Variants in DYNC1I1 observed in about 807,000 individuals in gnomAD.
DYNC1I1 encodes dynein cytoplasmic 1 intermediate chain 1, also known as cytoplasmic dynein 1 intermediate chain 1.
DYNC1I1 carries 43 observed loss-of-function variants against 86.6 expected under a neutral mutation model. The ratio of observed to expected loss-of-function variants is 0.50; its 90% CI spans 0.39 to 0.64. The LOEUF (loss-of-function observed/expected upper bound fraction) is 0.64, where lower values mean the gene tolerates loss of function less well. Ranked by LOEUF, DYNC1I1 falls within the 30% of genes least tolerant of loss-of-function variation. DYNC1I1 has a pLI of 0.00. For synonymous variants in DYNC1I1, 262 were observed against 283.7 expected, an observed-to-expected ratio of 0.92 and a Z score of 0.77; for missense variants, 604 against 788.8, an observed-to-expected ratio of 0.77 and a Z score of 2.81.
chr7:95,908,809 G>T (rs1442875279), intron 6 of DYNC1I1, among the ~76,000 whole-genome samples: 1 of 152,164 alleles, frequency 6.6e-6, no homozygotes, highest in Non-Finnish European at 1.5e-5. Context: ...GCACTGGAAA[G>T]CTGGCATCAC....
chr7:96,069,236 A>G (rs1045128778), intron 14 of DYNC1I1, among the ~76,000 whole-genome samples: 3 of 152,216 alleles, frequency 2.0e-5, no homozygotes, highest in Non-Finnish European at 4.4e-5. Context: ...AGCCATGGTA[A>G]AAATAGAGTT....
At chr7:95,878,744 A>C (rs951882133) in intron 6 of DYNC1I1, among the ~76,000 whole-genome samples, 7 of 152,196 alleles carry the variant, frequency 4.6e-5, no homozygotes, top group African/African-American at 1.4e-4. Flanking sequence ...CTAAACTCCA[A>C]GTAAGATTAA....
intron 1 of DYNC1I1, among the ~76,000 whole-genome samples, chr7:95,790,589 C>T (rs927163707): frequency 6.6e-6 from 1 of 152,164 alleles, no homozygotes; most frequent in African/African-American, 2.4e-5. Context: ...CTGTGTTTTC[C>T]TCAGCTGTTA....
chr7:95,807,065 G>C (rs1250029757), intron 2 of DYNC1I1, among the ~76,000 whole-genome samples: 1 of 152,132 alleles, frequency 6.6e-6, no homozygotes, highest in Non-Finnish European at 1.5e-5. Flanking sequence ...GAAGATCCCA[G>C]AGCAGTAAAA....
At chr7:96,032,299 T>A (rs1056767596) in intron 11 of DYNC1I1, among the ~76,000 whole-genome samples, 4 of 152,196 alleles carry the variant, frequency 2.6e-5, no homozygotes, top group African/African-American at 9.6e-5. Flanking sequence ...ACTGTCTTTT[T>A]CCATCACTCT....
chr7:95,893,991 C>A (rs1790810364), intron 6 of DYNC1I1, among the ~76,000 whole-genome samples: 1 of 152,050 alleles, frequency 6.6e-6, no homozygotes, highest in African/African-American at 2.4e-5. Flanking sequence ...TAACCCTTTC[C>A]CAAACAATGA....
chr7:95,783,727 A>T (rs1794055553), intron 1 of DYNC1I1, among the ~76,000 whole-genome samples: 1 of 152,202 alleles, frequency 6.6e-6, no homozygotes, highest in Non-Finnish European at 1.5e-5. Context: ...ACCTGATTTG[A>T]TAACAGAAAA....
chr7:96,096,308 C>A (rs949405359), intron 16 of DYNC1I1, among the ~76,000 whole-genome samples: 3 of 152,004 alleles, frequency 2.0e-5, no homozygotes, highest in Admixed American at 2.0e-4. Context: ...GGTTTATTTG[C>A]TTCCTCTTTT....
At chr7:95,861,695 T>C (rs550266488) in intron 5 of DYNC1I1, among the ~76,000 whole-genome samples, 1 of 152,274 alleles carries the variant, frequency 6.6e-6, no homozygotes, top group East Asian at 1.9e-4. Context: ...TTGTCAGAAA[T>C]CAGAGTATCC....
At chr7:96,080,809 C>G (rs963139662) in intron 16 of DYNC1I1, among the ~76,000 whole-genome samples, 2 of 152,058 alleles carry the variant, frequency 1.3e-5, no homozygotes, top group Admixed American at 1.3e-4. Context: ...CGGTGCCTCA[C>G]GCCTGTAATC....
At chr7:96,023,377 A>T (rs1015919432) in intron 10 of DYNC1I1, among the ~76,000 whole-genome samples, 1 of 152,218 alleles carries the variant, frequency 6.6e-6, no homozygotes, top group African/African-American at 2.4e-5. Context: ...GGAAGGTCAC[A>T]GGCAACCAGA....
At chr7:95,799,323 G>A (rs1361078058) in intron 1 of DYNC1I1, among the ~76,000 whole-genome samples, 1 of 152,180 alleles carries the variant, frequency 6.6e-6, no homozygotes, top group Non-Finnish European at 1.5e-5. Flanking sequence ...AGGTTGCAGT[G>A]AGCCGAGATC....
intron 6 of DYNC1I1, among the ~76,000 whole-genome samples, chr7:95,940,087 G>T (rs1234200330): frequency 1.3e-5 from 2 of 152,258 alleles, no homozygotes; most frequent in South Asian, 2.1e-4. Context: ...GAAATTCTGG[G>T]TTGAAAATTC....
At chr7:96,005,705 A>G (rs1464447563) in intron 10 of DYNC1I1, among the ~76,000 whole-genome samples, 3 of 152,220 alleles carry the variant, frequency 2.0e-5, no homozygotes, top group Admixed American at 2.0e-4. Flanking sequence ...AAATGAAAAC[A>G]TTCGGCAGAT....
intron 4 of DYNC1I1, among the ~76,000 whole-genome samples, chr7:95,819,354 C>T (rs1025180525): frequency 2.0e-5 from 3 of 150,852 alleles, no homozygotes; most frequent in African/African-American, 7.3e-5. Flanking sequence ...GTAGTTACTA[C>T]TTTTTTTTTA....
downstream of DYNC1I1, among the ~76,000 whole-genome samples, chr7:96,102,350 G>A (rs1791148464): frequency 6.6e-6 from 1 of 152,138 alleles, no homozygotes; most frequent in Non-Finnish European, 1.5e-5. Context: ...ATTAACTAAT[G>A]TACCAGATGC....
intron 6 of DYNC1I1, among the ~76,000 whole-genome samples, chr7:95,921,510 C>G (rs1791608751): frequency 6.7e-6 from 1 of 148,682 alleles, no homozygotes; most frequent in African/African-American, 2.6e-5. Flanking sequence ...CAGTCTGGGA[C>G]AGACTTTTCT....
intron 9 of DYNC1I1, among the ~76,000 whole-genome samples, chr7:95,994,405 G>A (rs1429246308): frequency 1.3e-5 from 2 of 152,168 alleles, no homozygotes; most frequent in Admixed American, 1.3e-4. Flanking sequence ...GCTGATAACA[G>A]GCAAGGAAGG....
chr7:96,102,537 G>C (rs1048726298), downstream of DYNC1I1, among the ~76,000 whole-genome samples: 4 of 152,162 alleles, frequency 2.6e-5, no homozygotes, highest in African/African-American at 9.7e-5. Context: ...ACAGCACCTG[G>C]TAAGCCTCTT....
Sources: gnomAD v4.1 joint callset for allele counts (sites outside exome capture counted in the v4.1 genomes callset) on GRCh38, gnomAD v4.1.1 for gene constraint, MANE v1.5 for transcripts, NCBI Gene and HGNC (gene_info 2026-07-23, HGNC 2026-07-21) for gene names.